SLC30A10: variants seen among roughly 807,000 people sequenced by gnomAD.
SLC30A10 encodes calcium/manganese antiporter SLC30A10.
In SLC30A10, 8 loss-of-function variants were observed where a neutral mutation model predicts 21.7. The observed-to-expected ratio is 0.37, with a 90% CI of 0.22 to 0.67. The LOEUF (loss-of-function observed/expected upper bound fraction) is 0.67. SLC30A10 is among the 30% of genes least tolerant of loss of function. SLC30A10 has a pLI of 0.58. For missense variants in SLC30A10, 521 were observed against 642.5 expected (o/e 0.81, Z 2.04); for synonymous variants, 272 against 279.4 (o/e 0.97, Z 0.26).
rs1659903151 is a variant in SLC30A10 at position 219,928,446 on chromosome 1, C to T, written c.-6G>A. ...TTGCCAGAGTAGCGGCCCATCTCGC[C>T]ACCAGCCCCGGGCGCCCGGCGCCGC... On this transcript the variant is annotated 5_prime_UTR_variant, in exon 1 of 4. Transcript: ENST00000366926. This position sits in a 1 kb window ranked among gnomAD's most constrained non-coding sequence, Gnocchi z 6.3. The T allele has an allele frequency of 1.2e-6, 2 of 1,601,914 alleles. No individual in the cohort carries two copies. Among genetic ancestry groups the T allele is most frequent in the Non-Finnish European group, 8.5e-7 (1 of 1,175,306 alleles).
chr1:219,951,390 G>A (rs1660268898), intron 1 of SLC30A10, among the ~76,000 whole-genome samples: 1 of 151,894 alleles, frequency 6.6e-6, no homozygotes, highest in South Asian at 2.1e-4. Context: ...CTTTTTTTAA[G>A]TTAATTTATT....
chr1:219,951,504 G>A (rs927829736), intron 1 of SLC30A10, among the ~76,000 whole-genome samples: 2 of 151,612 alleles, frequency 1.3e-5, no homozygotes, highest in East Asian at 3.9e-4. Flanking sequence ...TGTGGATCAC[G>A]AGGTCAGGAG....
In SLC30A10 at chr1:219,911,416, G is replaced by T. The variant is rs1307380660; in HGVS notation, c.*4033C>A. Among the ~76,000 whole-genome samples, 1 of 151,872 alleles carries T rather than the reference G, an allele frequency of 6.6e-6. No homozygotes were observed. The highest frequency in any genetic ancestry group is 6.6e-5 in the Admixed American group (1 of 15,250). On this transcript the variant is annotated 3_prime_UTR_variant, in exon 4 of 4. Coordinates refer to ENST00000366926, the MANE Select transcript of SLC30A10 (RefSeq NM_018713.3). ...AATCGATCATTTTAAATATGAAGGAGATTTAAACATCTCAACCCCATGAAT... is the reference window on the plus strand; with the variant it reads ...AATCGATCATTTTAAATATGAAGGATATTTAAACATCTCAACCCCATGAAT...
intron 1 of SLC30A10, among the ~76,000 whole-genome samples, chr1:219,944,962 C>T (rs1660168802): frequency 1.3e-5 from 2 of 152,272 alleles, no homozygotes; most frequent in Non-Finnish European, 1.5e-5. Flanking sequence ...ACATATCTAA[C>T]TATATCCATA....
At position 219,927,879 on chromosome 1, in the gene SLC30A10, C is replaced by G. The variant is rs1460079839; in HGVS notation, c.562G>C (p.Asp188His). ...GTCCCCCGGAGGGTTACGGCCGAGT[C>G]CGAGCCTGGGGCTGTCGGGTCCGCC... ...RAADPTAPGS[D>H]SAVTLRGTSV... The change falls in exon 1 of 4, where the codon GAC (aspartate) becomes CAC (histidine). Residue 188 changes from aspartate (D) to histidine (H), a missense_variant. By Grantham distance (81) the Asp-to-His change is moderately conservative. Coordinates refer to ENST00000366926, the MANE Select transcript of SLC30A10 (RefSeq NM_018713.3). The G allele has an allele frequency of 6.5e-7, 1 of 1,543,452 alleles. No individual in the cohort carries two copies. Among genetic ancestry groups the G allele is most frequent in the Middle Eastern group, 1.7e-4 (1 of 5,954 alleles).
At chr1:219,923,056 G>C (rs1299168621) in intron 2 of SLC30A10, among the ~76,000 whole-genome samples, 3 of 152,186 alleles carry the variant, frequency 2.0e-5, no homozygotes, top group Non-Finnish European at 4.4e-5. Context: ...AGGCCATGAA[G>C]GGGTGAAGAG....
Position 219,910,881 on chromosome 1 carries a change from G to C in SLC30A10, c.*4568C>G, listed in dbSNP as rs1177600732. Among the ~76,000 whole-genome samples the C allele has an allele frequency of 6.6e-6, 1 of 152,128 alleles. No individual in the cohort carries two copies. The highest frequency in any genetic ancestry group is 1.9e-4 in the East Asian group (1 of 5,204). ...AAAGAGAAGCACCAGAAAATGACTC[G>C]TCTGCATTATCTAAACTCCAGATGG... is the stretch of plus-strand genomic sequence containing the variant. On this transcript the variant is annotated 3_prime_UTR_variant, in exon 4 of 4. Coordinates refer to ENST00000366926, the MANE Select transcript of SLC30A10 (RefSeq NM_018713.3).
At chr1:219,946,793 T>A (rs1407083828) in intron 1 of SLC30A10, among the ~76,000 whole-genome samples, 1 of 152,150 alleles carries the variant, frequency 6.6e-6, no homozygotes, top group African/African-American at 2.4e-5. Flanking sequence ...GGAAGCCAAT[T>A]GTGACATCCA....
chr1:219,949,657 G>A (rs541532272), intron 1 of SLC30A10, among the ~76,000 whole-genome samples: 3 of 151,966 alleles, frequency 2.0e-5, no homozygotes, highest in Non-Finnish European at 4.4e-5. Context: ...GCTAGATGAC[G>A]AGTTAATGGG....
intron 1 of SLC30A10, 114 bp downstream of exon 1, chr1:219,927,687 A>AAAAAAAAAAAGAAAAAG (rs1659873284): frequency 1.7e-6 from 1 of 600,142 alleles, no homozygotes; most frequent in East Asian, 4.2e-5. Flanking sequence ...ACAAAAAAAA[A>AAAAAAAAAAAGAAAAAG]AAAACAGAAA....
intron 1 of SLC30A10, among the ~76,000 whole-genome samples, chr1:219,958,280 C>T (rs1472224097): frequency 6.6e-6 from 1 of 152,074 alleles, no homozygotes; most frequent in African/African-American, 2.4e-5. Context: ...TCTGTGGCTA[C>T]GATTAGTGCC....
At chr1:219,947,390 G>C (rs1040519168) in intron 1 of SLC30A10, among the ~76,000 whole-genome samples, 1 of 151,990 alleles carries the variant, frequency 6.6e-6, no homozygotes, top group African/African-American at 2.4e-5. Context: ...ATAATGGTTG[G>C]GTATGGTTGG....
chr1:219,917,629 A>C (rs1659573907), intron 3 of SLC30A10, among the ~76,000 whole-genome samples: 1 of 152,178 alleles, frequency 6.6e-6, no homozygotes, highest in Non-Finnish European at 1.5e-5. Flanking sequence ...TTTGAATTAA[A>C]ATAAATCTTT....
At position 219,915,143 on chromosome 1, in the gene SLC30A10, T is replaced by C. The variant is rs1020738482; in HGVS notation, c.*306A>G. The C allele has an allele frequency of 9.0e-6, 3 of 332,520 alleles. No individual in the cohort carries two copies. Among genetic ancestry groups the C allele is most frequent in the Admixed American group, 4.6e-5 (1 of 21,968 alleles). The allele number at this position is 332,520 out of a possible 1,614,324, so 20.6% of individuals were successfully genotyped here. ...CTTTGAACACTGTATCCGCAGCTAT[T>C]GAGCCCCAGTCCCAGACTTTAATGT... On this transcript the variant is annotated 3_prime_UTR_variant, in exon 4 of 4. Coordinates refer to ENST00000366926, the MANE Select transcript of SLC30A10 (RefSeq NM_018713.3).
chr1:219,945,425 C>G (rs548912371), intron 1 of SLC30A10, among the ~76,000 whole-genome samples: 1 of 151,866 alleles, frequency 6.6e-6, no homozygotes, highest in South Asian at 2.1e-4. Flanking sequence ...AAAGTGATTT[C>G]AAAATAAAAT....
rs2102522596 is a variant in SLC30A10, at chr1:219,913,383, C to A, written c.*2066G>T. 6.6e-6 allele frequency: 1 copy of A among 152,350 alleles called. No individual in the cohort carries two copies. Among genetic ancestry groups the A allele is most frequent in the East Asian group, 1.9e-4 (1 of 5,192 alleles). The allele number at this position is 152,350 out of a possible 1,614,324, so 9.4% of individuals were successfully genotyped here. A position where few individuals can be genotyped will look rare whatever the true frequency, so the allele number is the denominator to read the frequency against. On this transcript the variant is annotated 3_prime_UTR_variant, in exon 4 of 4. Coordinates refer to ENST00000366926, the MANE Select transcript of SLC30A10 (RefSeq NM_018713.3). The stretch of plus-strand genomic sequence containing the variant: ...GAGATTAAAGAACAGTGTTTAAGTG[C>A]AAACTAATATCCATTCCTTCAGCCA...
chr1:219,924,045 A>G lies in SLC30A10; in HGVS notation c.718+2983T>C, dbSNP rs12068288. On this transcript the variant is annotated intron_variant, in intron 2 of 3. Transcript: ENST00000366926. ...CACTGCACTCCAGCCTGGGCTACAG[A>G]GTGAGACTTCATCTCAAAAAACAAA... Among the ~76,000 whole-genome samples the G allele has an allele frequency of 6.6e-3, 998 of 152,348 alleles. 14 individuals are homozygous for G. Among genetic ancestry groups the G allele is most frequent in the African/African-American group, 0.022 (933 of 41,568 alleles).
chr1:219,926,997 G>T (rs373149052), intron 2 of SLC30A10, 31 bp downstream of exon 2: 354 of 1,524,556 alleles, frequency 2.3e-4, no homozygotes, highest in Middle Eastern at 5.1e-4. Flanking sequence ...TCATAGAAAG[G>T]GATTTCAAAT....
intron 1 of SLC30A10, among the ~76,000 whole-genome samples, chr1:219,941,407 A>G (rs1660118400): frequency 6.6e-6 from 1 of 152,224 alleles, no homozygotes. Context: ...CACAGCAGTG[A>G]GTATAGATGG....
Sources: allele counts gnomAD v4.1 joint callset (sites outside exome capture counted in the v4.1 genomes callset), GRCh38; gene constraint gnomAD v4.1.1; non-coding constraint Gnocchi (gnomAD v3.1); transcripts MANE v1.5; gene names NCBI Gene and HGNC (gene_info 2026-07-23, HGNC 2026-07-21).